ME1: variants seen among roughly 807,000 people sequenced by gnomAD.
The protein encoded by ME1 is malic enzyme 1.
ME1 carries 74 observed loss-of-function variants against 66.4 expected under a neutral mutation model. The ratio of observed to expected loss-of-function variants is 1.11; its 90% CI spans 0.92 to 1.35. The LOEUF is 1.35. Among genes scored for constraint, ME1 ranks in the 40% most tolerant of loss-of-function variants. The pLI, the probability that ME1 is intolerant of heterozygous loss-of-function variation, is 0.00. For missense variants in ME1, 750 were observed against 694.1 expected, an observed-to-expected ratio of 1.08 and a Z score of -0.90; for synonymous variants, 251 against 235.6, an observed-to-expected ratio of 1.07 and a Z score of -0.60.
intron 6 of ME1, among the ~76,000 whole-genome samples, chr6:83,314,784 T>A (rs1003818658): frequency 1.3e-5 from 2 of 152,218 alleles, no homozygotes; most frequent in African/African-American, 4.8e-5. Context: ...ATAGATTTAA[T>A]CAGAGATGCA....
At chr6:83,262,013 C>CAAA (rs374491049) in intron 6 of ME1, among the ~76,000 whole-genome samples, 8 of 77,230 alleles carry the variant, frequency 1.0e-4, no homozygotes, top group Admixed American at 1.4e-4. Context: ...GAATCCATCT[C>CAAA]AAAAAAAAAA....
intron 3 of ME1, among the ~76,000 whole-genome samples, chr6:83,370,426 C>A (rs997744786): frequency 1.3e-5 from 2 of 151,984 alleles, no homozygotes; most frequent in Non-Finnish European, 2.9e-5. Flanking sequence ...GGACAGATGA[C>A]AATTGTTTGA....
chr6:83,345,288 T>G (rs1768665708), intron 5 of ME1, among the ~76,000 whole-genome samples: 1 of 152,266 alleles, frequency 6.6e-6, no homozygotes, highest in African/African-American at 2.4e-5. Flanking sequence ...AAGCAATGTA[T>G]TTTTATTAAA....
Sources: allele counts gnomAD v4.1 joint callset (sites outside exome capture counted in the v4.1 genomes callset), GRCh38; gene constraint gnomAD v4.1.1; transcripts MANE v1.5; gene names NCBI Gene and HGNC (gene_info 2026-07-23, HGNC 2026-07-21).